The following FRMD3 variants were observed in gnomAD, a reference collection of about 807,000 sequenced individuals.
FRMD3 encodes the protein FERM domain-containing protein 3.
Under a neutral mutation model 70.2 loss-of-function variants are expected in FRMD3, and 33 were observed. The ratio of observed to expected loss-of-function variants is 0.47; its 90% CI spans 0.36 to 0.63. The LOEUF (loss-of-function observed/expected upper bound fraction) is 0.63, where lower values mean the gene tolerates loss of function less well. Ranked by LOEUF, FRMD3 falls within the 20% of genes least tolerant of loss-of-function variation. The pLI, the probability that FRMD3 is intolerant of heterozygous loss-of-function variation, is 0.00. For synonymous variants in FRMD3, 279 were observed against 255.9 expected, an observed-to-expected ratio of 1.09 and a Z score of -0.86; for missense variants, 632 against 711.4, an observed-to-expected ratio of 0.89 and a Z score of 1.27.
At position 83,530,796 on chromosome 9, in the gene FRMD3, G is replaced by T. The variant is rs190717126; in HGVS notation, c.147+7289C>A. 1.2e-3 allele frequency among the ~76,000 whole-genome samples: 182 copies of T among 152,178 alleles called. 1 individual carries two copies. The highest frequency in any genetic ancestry group is 4.2e-3 in the African/African-American group (174 of 41,528). On this transcript the variant is annotated intron_variant, in intron 1 of 13. Coordinates refer to ENST00000304195, the MANE Select transcript of FRMD3 (RefSeq NM_174938.6). The stretch of plus-strand genomic sequence containing the variant: ...TTGAGAACCACCTACCCTAGACAAA[G>T]CATCTACAGTAGGTATTGTGGGTTA...
intron 1 of FRMD3, among the ~76,000 whole-genome samples, chr9:83,397,580 G>A (rs969030211): frequency 6.6e-6 from 1 of 152,080 alleles, no homozygotes; most frequent in Non-Finnish European, 1.5e-5. Flanking sequence ...AGGATGGTGG[G>A]AACAGTTTGC....
chr9:83,516,332 A>G (rs1292693079), intron 1 of FRMD3, among the ~76,000 whole-genome samples: 1 of 152,198 alleles, frequency 6.6e-6, no homozygotes, highest in African/African-American at 2.4e-5. Flanking sequence ...CTAGTCTCTA[A>G]TAAAACAGAC....
chr9:83,369,529 A>T (rs1410673418), intron 3 of FRMD3, among the ~76,000 whole-genome samples: 2 of 151,956 alleles, frequency 1.3e-5, no homozygotes, highest in African/African-American at 4.8e-5. Context: ...GTGAGCCAAG[A>T]TCACAAGATG....
At chr9:83,455,535 C>T (rs973390988) in intron 1 of FRMD3, among the ~76,000 whole-genome samples, 3 of 152,158 alleles carry the variant, frequency 2.0e-5, no homozygotes, top group Non-Finnish European at 4.4e-5. Flanking sequence ...TTTTGCCTCC[C>T]GCAATGATTC....
chr9:83,356,865 A>G (rs1824362074), intron 3 of FRMD3, among the ~76,000 whole-genome samples: 3 of 151,676 alleles, frequency 2.0e-5, no homozygotes, highest in Admixed American at 2.0e-4. Context: ...ACTGTACCCA[A>G]TGTGTAGTCT....
At chr9:83,514,251 A>G (rs1829404417) in intron 1 of FRMD3, among the ~76,000 whole-genome samples, 1 of 152,166 alleles carries the variant, frequency 6.6e-6, no homozygotes, top group Admixed American at 6.5e-5. Flanking sequence ...TCTGAAGTTG[A>G]CCTGGAATGC....
At chr9:83,331,742 C>T (rs937326604) in intron 6 of FRMD3, 1 of 668,888 alleles carries the variant, frequency 1.5e-6, no homozygotes, top group African/African-American at 1.8e-5. Context: ...TAAACCTAAA[C>T]ATCTCTTTTA....
intron 1 of FRMD3, among the ~76,000 whole-genome samples, chr9:83,418,696 A>G (rs916920940): frequency 6.6e-6 from 1 of 152,244 alleles, no homozygotes; most frequent in African/African-American, 2.4e-5. Flanking sequence ...GTAAACTAGT[A>G]CAACCACTAT....
At chr9:83,243,329 C>A, downstream of FRMD3, 4 of 1,073,774 alleles carry the variant, frequency 3.7e-6, no homozygotes, top group Admixed American at 2.0e-5. Flanking sequence ...AGAGAGTGGC[C>A]CAGAGGGACT....
At chr9:83,334,217 A>T (rs940675991) in intron 6 of FRMD3, among the ~76,000 whole-genome samples, 1 of 152,208 alleles carries the variant, frequency 6.6e-6, no homozygotes, top group African/African-American at 2.4e-5. Flanking sequence ...GCAAAAGAGT[A>T]GTGAGAATTT....
In FRMD3 at chr9:83,348,808, C is replaced by T. The variant is rs557109494; in HGVS notation, c.374+871G>A. Among the ~76,000 whole-genome samples the T allele has an allele frequency of 2.0e-5, 3 of 152,202 alleles. No individual in the cohort carries two copies. The East Asian group carries it at 5.8e-4, about 29-fold the overall frequency. Reference sequence around the variant, plus strand: ...GGAAATTAATAATAGAGAGCAGAACCACCTGCTCCCTCCCAAAGTCACCTC... The same window carrying T: ...GGAAATTAATAATAGAGAGCAGAACTACCTGCTCCCTCCCAAAGTCACCTC... On this transcript the variant is annotated intron_variant, in intron 4 of 13. Coordinates refer to ENST00000304195, the MANE Select transcript of FRMD3 (RefSeq NM_174938.6).
At chr9:83,359,480 G>A (rs1824513304) in intron 3 of FRMD3, among the ~76,000 whole-genome samples, 1 of 152,106 alleles carries the variant, frequency 6.6e-6, no homozygotes, top group Non-Finnish European at 1.5e-5. Context: ...ACCACAGAGA[G>A]CAGGGCATCA....
At position 83,477,622 on chromosome 9, in the gene FRMD3, A is replaced by C. The variant is rs536399582; in HGVS notation, c.147+60463T>G. On this transcript the variant is annotated intron_variant, in intron 1 of 13. Coordinates refer to ENST00000304195, the MANE Select transcript of FRMD3 (RefSeq NM_174938.6). The stretch of plus-strand genomic sequence containing the variant: ...GGCCGTCCCAAATCAAGGTTCTATT[A>C]CTACTGAAGAAAAGGTTTTTTGTCT... 3.9e-5 allele frequency among the ~76,000 whole-genome samples: 6 copies of C among 152,298 alleles called. No individual in the cohort carries two copies. In the South Asian group the frequency reaches 1.2e-3, roughly 32 times the overall value.
rs985654713 is a variant in FRMD3, at chr9:83,538,392, G to C, written c.-161C>G. Reference sequence around the variant, plus strand: ...CTGCGGACACACATGCCCAGCGGCCGGGGCGCGGCGGGCGGGTCCCTCCCT... The same window carrying C: ...CTGCGGACACACATGCCCAGCGGCCCGGGCGCGGCGGGCGGGTCCCTCCCT... On this transcript the variant is annotated 5_prime_UTR_variant, in exon 1 of 14. Coordinates refer to ENST00000304195, the MANE Select transcript of FRMD3 (RefSeq NM_174938.6). The surrounding 1 kb of genome is among the most constrained non-coding windows in gnomAD (Gnocchi z 4.7). 3.0e-5 allele frequency: 15 copies of C among 506,838 alleles called. No individual in the cohort carries two copies. The highest frequency in any genetic ancestry group is 1.1e-3 in the Middle Eastern group (2 of 1,804). The allele number at this position is 506,838 out of a possible 1,614,324, so 31.4% of individuals were successfully genotyped here. A position where few individuals can be genotyped will look rare whatever the true frequency, so the allele number is the denominator to read the frequency against.
At chr9:83,434,819 C>CCCCTT (rs1827086409) in intron 1 of FRMD3, among the ~76,000 whole-genome samples, 1 of 74,878 alleles carries the variant, frequency 1.3e-5, no homozygotes, top group Non-Finnish European at 2.3e-5. Context: ...CACCCCTCTG[C>CCCCTT]TTTTTTTTTT....
Position 83,434,543 on chromosome 9 carries a change from AC to A in FRMD3, c.148-44836del, listed in dbSNP as rs539182328. On this transcript the variant is annotated intron_variant, in intron 1 of 13. Transcript: ENST00000304195. ...TAAACTCACCCATCCCTTCCTGCTT[AC>A]CCAGCAGTAGAACAATGGGTTTTCT... Among the ~76,000 whole-genome samples, 43 of 152,316 alleles carry A rather than the reference AC, an allele frequency of 2.8e-4. No homozygotes were observed. In the South Asian group the frequency reaches 8.5e-3, roughly 30 times the overall value.
At chr9:83,573,355 T>A in the FRMD3 span, among the ~76,000 whole-genome samples, 4 of 152,206 alleles carry the variant, frequency 2.6e-5, no homozygotes, top group Admixed American at 6.5e-5. Flanking sequence ...TTTGTTTATA[T>A]AACAAATCAT....
chr9:83,566,908 G>A, the FRMD3 span, among the ~76,000 whole-genome samples: 94 of 152,338 alleles, frequency 6.2e-4, no homozygotes, highest in Non-Finnish European at 1.2e-3. Context: ...CAAGCTGTTG[G>A]TGGATCTACC....
intron 3 of FRMD3, among the ~76,000 whole-genome samples, chr9:83,351,433 G>A (rs1824155191): frequency 1.3e-5 from 2 of 150,954 alleles, no homozygotes; most frequent in Non-Finnish European, 2.9e-5. Flanking sequence ...CTCCTAACCT[G>A]ATCCTATGTT....
Sources: allele counts gnomAD v4.1 joint callset (sites outside exome capture counted in the v4.1 genomes callset), GRCh38; gene constraint gnomAD v4.1.1; non-coding constraint Gnocchi (gnomAD v3.1); transcripts MANE v1.5; gene names NCBI Gene and HGNC (gene_info 2026-07-23, HGNC 2026-07-21).